Variants in ERLEC1 observed in about 807,000 individuals in gnomAD.
The protein encoded by ERLEC1 is ER lectin.
A neutral mutation model predicts 68.0 loss-of-function variants in ERLEC1; 47 were observed. The observed-to-expected ratio is 0.69, with a 90% CI of 0.55 to 0.88. The LOEUF (loss-of-function observed/expected upper bound fraction) is 0.88. ERLEC1 is among the 40% of genes least tolerant of loss of function. The probability of loss-of-function intolerance (pLI) is 0.00; values close to 1 mark genes in which losing one functional copy is unlikely to be tolerated. For synonymous variants in ERLEC1, 225 were observed against 203.2 expected (o/e 1.11, Z -0.91); for missense variants, 567 against 583.8 (o/e 0.97, Z 0.30).
chr2:53,808,660 T>C (rs1468755378), intron 9 of ERLEC1, among the ~76,000 whole-genome samples, 200 bp downstream of exon 9: 5 of 152,240 alleles, frequency 3.3e-5, no homozygotes, highest in Non-Finnish European at 5.9e-5. Context: ...GTTCTGTTTA[T>C]TTCACAAGGT....
chr2:53,793,501 A>G (rs1675521691), intron 1 of ERLEC1, among the ~76,000 whole-genome samples: 1 of 152,246 alleles, frequency 6.6e-6, no homozygotes, highest in African/African-American at 2.4e-5. Context: ...CAGAGACCAT[A>G]TGGCTCACAA....
intron 13 of ERLEC1, among the ~76,000 whole-genome samples, chr2:53,817,323 C>T (rs571223639): frequency 9.9e-5 from 15 of 151,934 alleles, no homozygotes; most frequent in Non-Finnish European, 1.6e-4. Flanking sequence ...TTAGTAGAGA[C>T]GGGGTTTCAC....
At chr2:53,790,022 AAAAAAAAAAG>A (rs1675301353) in intron 1 of ERLEC1, among the ~76,000 whole-genome samples, 1 of 151,324 alleles carries the variant, frequency 6.6e-6, no homozygotes, top group Non-Finnish European at 1.5e-5. Context: ...TCTCAAAAAA[AAAAAAAAAAG>A]AAAAGAAAAG....
intron 1 of ERLEC1, among the ~76,000 whole-genome samples, chr2:53,790,399 C>A (rs1675327066): frequency 6.6e-6 from 1 of 150,938 alleles, no homozygotes; most frequent in South Asian, 2.1e-4. Flanking sequence ...TGCCTGGCCG[C>A]GGGTTGGACA....
chr2:53,800,528 T>C lies in ERLEC1; in HGVS notation c.526-869T>C, dbSNP rs1675948954. Among the ~76,000 whole-genome samples the C allele has an allele frequency of 2.0e-5, 3 of 152,198 alleles. No homozygotes were observed. The South Asian group carries it at 6.2e-4, about 31-fold the overall frequency. On this transcript the variant is annotated intron_variant, in intron 6 of 13. Coordinates refer to ENST00000185150, the MANE Select transcript of ERLEC1 (RefSeq NM_015701.5). ...TAAAAATCACATACATATAAGGAAA[T>C]CTCAAAACATTTTTTCCTGAAAACA...
At position 53,815,008 on chromosome 2, in the gene ERLEC1, T is replaced by TG. The variant is rs1558608694; in HGVS notation, c.1380+73_1380+74insG. The TG allele has an allele frequency of 1.1e-4, 111 of 1,008,136 alleles. No homozygotes were observed. The South Asian group carries it at 1.7e-3, about 15-fold the overall frequency. 62.4% of individuals were successfully genotyped at this position (1,008,136 alleles called of 1,614,324 possible). A position where few individuals can be genotyped will look rare whatever the true frequency, so the allele number is the denominator to read the frequency against. ...TAATTTTTTTTTCTTTTTTTTTTTT[T>TG]TTTTTTTTGTTTTTTTGAGACGGAG... On this transcript the variant is annotated intron_variant, in intron 13 of 13. Transcript: ENST00000185150.
intron 3 of ERLEC1, among the ~76,000 whole-genome samples, chr2:53,796,847 C>G (rs1469045002): frequency 6.7e-6 from 1 of 150,360 alleles, no homozygotes; most frequent in Non-Finnish European, 1.5e-5. Flanking sequence ...ACTTACCAAG[C>G]TGTTTTGAAT....
intron 10 of ERLEC1, among the ~76,000 whole-genome samples, chr2:53,809,746 C>G (rs1399727356): frequency 7.2e-5 from 11 of 151,970 alleles, no homozygotes; most frequent in African/African-American, 2.7e-4. Context: ...GAGTGAGACT[C>G]CATCTCAAAA....
Position 53,787,173 on chromosome 2 carries a change from G to A in ERLEC1, c.-38G>A, listed in dbSNP as rs1675084081. ...CTCCTCCTCTCCTCCTGGAGCAGAG[G>A]AGGTTGTGGCGGTGGCTGGAGAAAG... On this transcript the variant is annotated 5_prime_UTR_variant, in exon 1 of 14. Coordinates refer to ENST00000185150, the MANE Select transcript of ERLEC1 (RefSeq NM_015701.5). The A allele has an allele frequency of 1.3e-6, 2 of 1,578,366 alleles. No homozygotes were observed. The highest frequency in any genetic ancestry group is 2.3e-5 in the East Asian group (1 of 44,386).
In ERLEC1 at chr2:53,812,918, C is replaced by T. The variant is rs750310629; in HGVS notation, c.1102-31C>T. ...AATATCTACTTGATGATATCAAGCA[C>T]GCATTATCACAAATTTTTTTCCCAT... On this transcript the variant is annotated intron_variant, in intron 10 of 13. Coordinates refer to ENST00000185150, the MANE Select transcript of ERLEC1 (RefSeq NM_015701.5). 1.3e-4 allele frequency: 202 copies of T among 1,597,696 alleles called. No individual in the cohort carries two copies. The Middle Eastern group carries it at 1.3e-3, about 11-fold the overall frequency.
intron 3 of ERLEC1, among the ~76,000 whole-genome samples, chr2:53,796,955 G>A (rs374022457): frequency 1.2e-4 from 17 of 141,770 alleles, no homozygotes; most frequent in Non-Finnish European, 1.9e-4. Context: ...GCAGTGGCAC[G>A]ATCTCAGCTC....
In ERLEC1 at chr2:53,817,906, T is replaced by G; in HGVS notation, c.1389T>G (p.Ser463=). ...HSCQYILGVE[S]PVICKILDTA... is the part of the protein sequence containing the mutation. The stretch of plus-strand genomic sequence containing the variant: ...TTGTTGTTCTTCTTTAGGTTGAATC[T>G]CCAGTGATCTGTAAAATCTTAGATA... Residue 463 remains serine, a synonymous_variant, in exon 14 of 14, where the codon TCT becomes TCG. Transcript: ENST00000185150. The G allele has an allele frequency of 6.2e-7, 1 of 1,605,908 alleles. No homozygotes were observed. Among genetic ancestry groups the G allele is most frequent in the Non-Finnish European group, 8.5e-7 (1 of 1,172,880 alleles).
Position 53,814,898 on chromosome 2 carries a change from A to T in ERLEC1, c.1343A>T (p.Tyr448Phe). The change falls in exon 13 of 14, where the codon TAT (tyrosine) becomes TTT (phenylalanine). Residue 448 changes from tyrosine (Y) to phenylalanine (F), a missense_variant. Physicochemically the swap from Tyr to Phe is conservative, Grantham distance 22. Coordinates refer to ENST00000185150, the MANE Select transcript of ERLEC1 (RefSeq NM_015701.5). ...ESDSPHAVTV[Y>F]MLEPHSCQYI... is the part of the protein sequence containing the mutation. The stretch of plus-strand genomic sequence containing the variant: ...GATTCACCTCATGCTGTTACTGTAT[A>T]TATGCTAGAGCCTCACTCCTGTCAA... 1 of 1,608,490 alleles carries T rather than the reference A, an allele frequency of 6.2e-7. No homozygotes were observed. The highest frequency in any genetic ancestry group is 2.2e-5 in the East Asian group (1 of 44,572).
intron 6 of ERLEC1, 57 bp from the exon 7 acceptor site, chr2:53,801,340 C>T (rs1042059919): frequency 3.1e-6 from 4 of 1,311,164 alleles, no homozygotes. Flanking sequence ...CCTCTCCCAC[C>T]CCCAGTCCCA....
intron 6 of ERLEC1, 47 bp from the exon 7 acceptor site, chr2:53,801,350 A>G (rs760597921): frequency 2.1e-6 from 3 of 1,456,568 alleles, no homozygotes; most frequent in South Asian, 2.3e-5. Flanking sequence ...CCCCAGTCCC[A>G]TCTCCATGTC....
intron 8 of ERLEC1, 69 bp from the exon 9 acceptor site, chr2:53,808,230 T>C: frequency 6.6e-7 from 1 of 1,518,152 alleles, no homozygotes; most frequent in Non-Finnish European, 8.9e-7. Flanking sequence ...AAATAATAAC[T>C]TAAGCCATAA....
chr2:53,794,939 C>T (rs759785779), intron 2 of ERLEC1, among the ~76,000 whole-genome samples: 2 of 152,200 alleles, frequency 1.3e-5, no homozygotes, highest in Non-Finnish European at 2.9e-5. Flanking sequence ...AGGCATGAGA[C>T]ACCATGCCCG....
At chr2:53,788,191 A>G (rs1026184654) in intron 1 of ERLEC1, among the ~76,000 whole-genome samples, 4 of 152,354 alleles carry the variant, frequency 2.6e-5, no homozygotes, top group African/African-American at 9.6e-5. Context: ...CGGAAAAAGC[A>G]AAATTTTTTT....
Position 53,818,064 on chromosome 2 carries a change from T to G in ERLEC1, c.*95T>G. ...TTATAGAGTTCTCAGCCATTGGACCTCTTCTAAAGGATGGTATAAAATGAC... is the reference window on the plus strand; with the variant it reads ...TTATAGAGTTCTCAGCCATTGGACCGCTTCTAAAGGATGGTATAAAATGAC... On this transcript the variant is annotated 3_prime_UTR_variant, in exon 14 of 14. Coordinates refer to ENST00000185150, the MANE Select transcript of ERLEC1 (RefSeq NM_015701.5). 1 of 794,598 alleles carries G rather than the reference T, an allele frequency of 1.3e-6. No homozygotes were observed. The highest frequency in any genetic ancestry group is 2.2e-6 in the Non-Finnish European group (1 of 458,054). The allele number at this position is 794,598 out of a possible 1,614,324, so 49.2% of individuals were successfully genotyped here. A position where few individuals can be genotyped will look rare whatever the true frequency, so the allele number is the denominator to read the frequency against.
Sources: allele counts gnomAD v4.1 joint callset (sites outside exome capture counted in the v4.1 genomes callset), GRCh38; gene constraint gnomAD v4.1.1; transcripts MANE v1.5; gene names NCBI Gene and HGNC (gene_info 2026-07-23, HGNC 2026-07-21).